SH3PXD2A: variants seen among roughly 807,000 people sequenced by gnomAD.
The protein encoded by SH3PXD2A is SH3 and PX domains 2A.
A neutral mutation model predicts 115.2 loss-of-function variants in SH3PXD2A; 32 were observed. That is an observed-to-expected ratio of 0.28 (90% CI 0.21 to 0.37). The LOEUF is 0.37. SH3PXD2A is among the 10% of genes least tolerant of loss of function. The probability of loss-of-function intolerance (pLI) is 1.00; values close to 1 mark genes in which losing one functional copy is unlikely to be tolerated. For missense variants in SH3PXD2A, 1,328 were observed against 1,498.7 expected, an observed-to-expected ratio of 0.89 and a Z score of 1.88; for synonymous variants, 610 against 629.1, an observed-to-expected ratio of 0.97 and a Z score of 0.45.
intron 1 of SH3PXD2A, among the ~76,000 whole-genome samples, chr10:103,805,584 C>T (rs1365190033): frequency 1.3e-5 from 2 of 152,242 alleles, no homozygotes; most frequent in Non-Finnish European, 2.9e-5. Context: ...TCTTTGCCCT[C>T]TACTCTTCAG....
At chr10:103,852,736 C>T (rs913791742) in intron 1 of SH3PXD2A, among the ~76,000 whole-genome samples, 5 of 152,210 alleles carry the variant, frequency 3.3e-5, no homozygotes, top group Middle Eastern at 3.2e-3. Flanking sequence ...CCACCAGGCC[C>T]TTTCTATTGC....
intron 14 of SH3PXD2A, 133 bp from the exon 15 acceptor site, chr10:103,603,922 GT>G: frequency 9.9e-7 from 1 of 1,008,754 alleles, no homozygotes; most frequent in South Asian, 2.0e-5. Flanking sequence ...GAGCCACTGA[GT>G]AAGTGGCCCA....
intron 2 of SH3PXD2A, among the ~76,000 whole-genome samples, chr10:103,779,585 T>C (rs954942221): frequency 6.6e-6 from 1 of 152,154 alleles, no homozygotes; most frequent in African/African-American, 2.4e-5. Context: ...CTGAGGCTGC[T>C]GAGCAGCGAA....
chr10:103,762,085 C>T (rs1432476599), intron 3 of SH3PXD2A, among the ~76,000 whole-genome samples: 1 of 139,056 alleles, frequency 7.2e-6, no homozygotes, highest in African/African-American at 2.7e-5. Context: ...TGCAGTGGCA[C>T]AATCTTGCTC....
intron 5 of SH3PXD2A, among the ~76,000 whole-genome samples, chr10:103,712,333 C>T (rs2134158250): frequency 6.6e-6 from 1 of 152,310 alleles, no homozygotes; most frequent in East Asian, 1.9e-4. Context: ...ATCTGCGTGC[C>T]CTCTGGACCC....
Position 103,627,597 on chromosome 10 carries a change from C to G in SH3PXD2A, c.605-395G>C, listed in dbSNP as rs1436230602. On this transcript the variant is annotated intron_variant, in intron 8 of 14. Transcript: ENST00000369774. This position sits in a 1 kb window ranked among gnomAD's most constrained non-coding sequence, Gnocchi z 4.4. ...GACTGGTTTGCCTGGAGCTTGGCTG[C>G]CTTCTCAGCTTTCAAGCTAAGTGCC... is the stretch of plus-strand genomic sequence containing the variant. Among the ~76,000 whole-genome samples, 1 of 152,230 alleles carries G rather than the reference C, an allele frequency of 6.6e-6. No individual in the cohort carries two copies. The highest frequency in any genetic ancestry group is 2.4e-5 in the African/African-American group (1 of 41,462).
chr10:103,776,671 C>A (rs1361576904), intron 2 of SH3PXD2A, among the ~76,000 whole-genome samples: 2 of 152,064 alleles, frequency 1.3e-5, no homozygotes, highest in Non-Finnish European at 2.9e-5. Flanking sequence ...TCATCTATGG[C>A]ATTCCTTGGT....
rs1263867994 is a variant in SH3PXD2A at position 103,598,557 on chromosome 10, C to T, written c.*3259G>A. 2 of 152,794 alleles carry T rather than the reference C, an allele frequency of 1.3e-5. No individual in the cohort carries two copies. The highest frequency in any genetic ancestry group is 4.1e-4 in the South Asian group (2 of 4,828). The allele number at this position is 152,794 out of a possible 1,614,324, so 9.5% of individuals were successfully genotyped here. On this transcript the variant is annotated 3_prime_UTR_variant, in exon 15 of 15. Coordinates refer to ENST00000369774, the MANE Select transcript of SH3PXD2A (RefSeq NM_001394015.1). ...GTTGCAGTATACAGCAATACAGTGT[C>T]GTTTCACATTTTCAGTCGCAACTCA... is the stretch of plus-strand genomic sequence containing the variant.
At chr10:103,640,661 A>G (rs1393098008) in intron 8 of SH3PXD2A, among the ~76,000 whole-genome samples, 2 of 152,154 alleles carry the variant, frequency 1.3e-5, no homozygotes, top group East Asian at 1.9e-4. Context: ...TTTAGAGAAG[A>G]AGGCGGTGAA....
chr10:103,751,843 G>C (rs11592750), intron 3 of SH3PXD2A, among the ~76,000 whole-genome samples: 15,150 of 152,004 alleles, frequency 0.1, 877 homozygotes, highest in Non-Finnish European at 0.12. Context: ...AGCATCCCAA[G>C]AGACACCAAA....
At chr10:103,798,634 G>A (rs1447825379) in intron 2 of SH3PXD2A, among the ~76,000 whole-genome samples, 1 of 152,234 alleles carries the variant, frequency 6.6e-6, no homozygotes, top group Non-Finnish European at 1.5e-5. Context: ...AACCCGGGGA[G>A]CAGCTCCTTG....
At chr10:103,738,117 G>A (rs1022741617) in intron 3 of SH3PXD2A, among the ~76,000 whole-genome samples, 4 of 152,220 alleles carry the variant, frequency 2.6e-5, no homozygotes, top group Non-Finnish European at 5.9e-5. Context: ...TGAAGCCAGA[G>A]GGCCGGGCCA....
intron 6 of SH3PXD2A, among the ~76,000 whole-genome samples, chr10:103,672,050 C>T (rs1317405755): frequency 1.1e-4 from 17 of 152,148 alleles, no homozygotes; most frequent in Admixed American, 9.8e-4. Flanking sequence ...CTTTGGAGGC[C>T]GAGGTGGGTG....
intron 1 of SH3PXD2A, among the ~76,000 whole-genome samples, chr10:103,833,386 T>A (rs577728846): frequency 6.6e-6 from 1 of 152,230 alleles, no homozygotes; most frequent in East Asian, 1.9e-4. Context: ...CTGACATAAA[T>A]CCTAACCTGT....
At chr10:103,692,371 A>G (rs1359147445) in intron 6 of SH3PXD2A, among the ~76,000 whole-genome samples, 1 of 135,928 alleles carries the variant, frequency 7.4e-6, no homozygotes, top group Non-Finnish European at 1.6e-5. Flanking sequence ...GGCACCTGTC[A>G]GGCCAATGCG....
intron 4 of SH3PXD2A, among the ~76,000 whole-genome samples, chr10:103,733,607 T>C (rs976949645): frequency 2.6e-5 from 4 of 152,210 alleles, no homozygotes; most frequent in African/African-American, 9.7e-5. Flanking sequence ...CACTGGGGCA[T>C]CCTTTTAAAA....
chr10:103,650,126 A>G (rs2037097116), intron 8 of SH3PXD2A, among the ~76,000 whole-genome samples: 1 of 151,882 alleles, frequency 6.6e-6, no homozygotes, highest in Non-Finnish European at 1.5e-5. Flanking sequence ...TCCAGGCTCT[A>G]GCCCTAGTAA....
chr10:103,772,375 G>T (rs1015656971), intron 2 of SH3PXD2A, among the ~76,000 whole-genome samples: 52 of 152,344 alleles, frequency 3.4e-4, no homozygotes, highest in African/African-American at 1.2e-3. Flanking sequence ...GGGCGCGGGG[G>T]CGGTGAGGCA....
intron 1 of SH3PXD2A, among the ~76,000 whole-genome samples, chr10:103,822,894 C>T (rs1402348619): frequency 3.3e-5 from 5 of 152,222 alleles, no homozygotes; most frequent in Admixed American, 6.5e-5. Flanking sequence ...CAAATCAGAA[C>T]GACAAGATGT....
Sources: allele counts gnomAD v4.1 joint callset (sites outside exome capture counted in the v4.1 genomes callset), GRCh38; gene constraint gnomAD v4.1.1; non-coding constraint Gnocchi (gnomAD v3.1); transcripts MANE v1.5; gene names NCBI Gene and HGNC (gene_info 2026-07-23, HGNC 2026-07-21).